The following TRPM7 variants were observed in gnomAD, a reference collection of about 807,000 sequenced individuals.
The protein encoded by TRPM7 is LTRPC ion channel family member 7.
A neutral mutation model predicts 229.7 loss-of-function variants in TRPM7; 134 were observed. The ratio of observed to expected loss-of-function variants is 0.58; its 90% CI spans 0.51 to 0.67. The LOEUF (loss-of-function observed/expected upper bound fraction) is 0.67. Ranked by LOEUF, TRPM7 falls within the 30% of genes least tolerant of loss-of-function variation. The probability of loss-of-function intolerance (pLI) is 0.00; values close to 1 mark genes in which losing one functional copy is unlikely to be tolerated. For synonymous variants in TRPM7, 699 were observed against 715.2 expected, an observed-to-expected ratio of 0.98 and a Z score of 0.36; for missense variants, 1,901 against 2,210.0, an observed-to-expected ratio of 0.86 and a Z score of 2.80.
chr15:50,597,887 C>T (rs1002292819), intron 22 of TRPM7, among the ~76,000 whole-genome samples: 13 of 152,014 alleles, frequency 8.6e-5, no homozygotes, highest in African/African-American at 3.1e-4. Context: ...CCACTGCACT[C>T]CAGCCTGGGT....
intron 21 of TRPM7, among the ~76,000 whole-genome samples, chr15:50,603,710 C>A (rs912989981): frequency 6.6e-6 from 1 of 152,120 alleles, no homozygotes; most frequent in Non-Finnish European, 1.5e-5. Flanking sequence ...TCCAGTCTAT[C>A]ATTGATGGAC....
chr15:50,662,730 G>C (rs2061760984), intron 2 of TRPM7, among the ~76,000 whole-genome samples: 1 of 152,060 alleles, frequency 6.6e-6, no homozygotes, highest in Non-Finnish European at 1.5e-5. Flanking sequence ...TAGAGATGGA[G>C]GAACACTTCA....
chr15:50,612,597 T>C lies in TRPM7; in HGVS notation c.2003A>G (p.Gln668Arg). The change falls in exon 16 of 39, where the codon CAG becomes CGG. Residue 668 changes from glutamine to arginine, a missense_variant. Gln to Arg is a conservative substitution (Grantham distance 43). Coordinates refer to ENST00000646667, the MANE Select transcript of TRPM7 (RefSeq NM_017672.6). The part of the protein sequence containing the change: ...IYRSMAYEAK[Q>R]SDLVDDTSEE... Reference sequence around the variant, plus strand: ...TGAAGTATCATCTACCAGGTCACTCTGCTTTGCTTCATATGCCATTGAACG... The same window carrying C: ...TGAAGTATCATCTACCAGGTCACTCCGCTTTGCTTCATATGCCATTGAACG... 6.2e-7 allele frequency: 1 copy of C among 1,614,112 alleles called. No homozygotes were observed. The highest frequency in any genetic ancestry group is 8.5e-7 in the Non-Finnish European group (1 of 1,179,978).
At position 50,569,902 on chromosome 15, in the gene TRPM7, T is replaced by G. The variant is rs1566935701; in HGVS notation, c.5452A>C (p.Lys1818Gln). Residue 1818 changes from lysine to glutamine, a missense_variant, in exon 38 of 39, where the codon AAG (lysine) becomes CAG (glutamine). Lys to Gln is a moderately conservative substitution (Grantham distance 53, BLOSUM62 1). Transcript: ENST00000646667. Reference protein sequence around the residue: ...AKHHCNSCCRKLKLPDLKRND... With the variant: ...AKHHCNSCCRQLKLPDLKRND... ...AATTTTTTACCTGGAAGTTTAAGCTTTCTACAGCAAGAATTACAGTGATGT... is the reference window on the plus strand; with the variant it reads ...AATTTTTTACCTGGAAGTTTAAGCTGTCTACAGCAAGAATTACAGTGATGT... The G allele has an allele frequency of 6.2e-7, 1 of 1,603,470 alleles. No homozygotes were observed. Among genetic ancestry groups the G allele is most frequent in the Non-Finnish European group, 8.5e-7 (1 of 1,176,712 alleles).
In TRPM7 at chr15:50,557,410, T is replaced by C. The variant is rs1427841948; in HGVS notation, c.*4268A>G. ...CTGTGAAGCATATAATCTAGTGGGGTAGACTGCTAGCTACTAACTATGAAA... is the reference window on the plus strand; with the variant it reads ...CTGTGAAGCATATAATCTAGTGGGGCAGACTGCTAGCTACTAACTATGAAA... On this transcript the variant is annotated 3_prime_UTR_variant, in exon 39 of 39. Transcript: ENST00000646667. 1 of 152,134 alleles carries C rather than the reference T, an allele frequency of 6.6e-6. No homozygotes were observed. The highest frequency in any genetic ancestry group is 6.6e-5 in the Admixed American group (1 of 15,262). 9.4% of individuals were successfully genotyped at this position (152,134 alleles called of 1,614,324 possible). A position where few individuals can be genotyped will look rare whatever the true frequency, so the allele number is the denominator to read the frequency against.
At chr15:50,643,588 A>ACATG (rs1387093842) in intron 4 of TRPM7, 35 bp from the exon 5 acceptor site, 2 of 1,563,736 alleles carry the variant, frequency 1.3e-6, no homozygotes, top group African/African-American at 2.7e-5. Flanking sequence ...AAATAATTGA[A>ACATG]CATGTTCACA....
chr15:50,623,718 A>C (rs2060482492), intron 12 of TRPM7, among the ~76,000 whole-genome samples: 1 of 152,046 alleles, frequency 6.6e-6, no homozygotes, highest in Non-Finnish European at 1.5e-5. Context: ...AGTTTTCAGG[A>C]GTCCTTTACA....
chr15:50,615,638 T>C (rs2060202966), intron 13 of TRPM7, among the ~76,000 whole-genome samples: 1 of 152,174 alleles, frequency 6.6e-6, no homozygotes, highest in Admixed American at 6.6e-5. Context: ...TTAATGTCTG[T>C]ATTTTTACTA....
chr15:50,591,486 ATT>A (rs200361880), intron 26 of TRPM7, among the ~76,000 whole-genome samples: 4 of 143,622 alleles, frequency 2.8e-5, no homozygotes, highest in Admixed American at 6.9e-5. Flanking sequence ...CCTACTTCTG[ATT>A]TTTTTTTTTT....
intron 13 of TRPM7, 96 bp downstream of exon 13, chr15:50,619,649 T>G: frequency 1.8e-6 from 2 of 1,095,366 alleles, no homozygotes; most frequent in South Asian, 3.3e-5. Flanking sequence ...TATTGGTATT[T>G]CTAAAATGTA....
At chr15:50,598,550 G>C (rs539832877) in intron 22 of TRPM7, among the ~76,000 whole-genome samples, 5 of 152,136 alleles carry the variant, frequency 3.3e-5, no homozygotes, top group African/African-American at 1.2e-4. Flanking sequence ...TCTCAATATC[G>C]AATCTACCTG....
chr15:50,627,205 T>G (rs2060587758), intron 11 of TRPM7, among the ~76,000 whole-genome samples: 1 of 152,118 alleles, frequency 6.6e-6, no homozygotes, highest in Non-Finnish European at 1.5e-5. Context: ...CCTCAGAAAG[T>G]TTACTTTCTA....
At position 50,609,732 on chromosome 15, in the gene TRPM7, TAA is replaced by T. The variant is rs35281039; in HGVS notation, c.2437-10_2437-9del. ...TACTTCTTTAAACACTTCCTAAAAT[TAA>T]AAAAAAAAAAATTCTTTTGTACAAT... On this transcript the variant is annotated splice_polypyrimidine_tract_variant and intron_variant, in intron 18 of 38. Coordinates refer to ENST00000646667, the MANE Select transcript of TRPM7 (RefSeq NM_017672.6). The T allele has an allele frequency of 9.6e-3, 12,719 of 1,319,198 alleles. 7 individuals carry two copies. The highest frequency in any genetic ancestry group is 0.019 in the African/African-American group (1,238 of 66,192). The allele number at this position is 1,319,198 out of a possible 1,614,324, so 81.7% of individuals were successfully genotyped here.
At chr15:50,561,868 T>A in intron 38 of TRPM7, 60 bp from the exon 39 acceptor site, 2 of 1,436,854 alleles carry the variant, frequency 1.4e-6, no homozygotes, top group Non-Finnish European at 1.9e-6. Context: ...AAAAAGTTAG[T>A]ATTTCTTAGA....
chr15:50,589,506 G>A (rs915647632), intron 27 of TRPM7, 86 bp downstream of exon 27: 1 of 965,882 alleles, frequency 1.0e-6, no homozygotes, highest in Non-Finnish European at 1.6e-6. Context: ...TATTTTTGCT[G>A]AAAAAATGTT....
chr15:50,654,857 C>CG (rs1037605367), intron 3 of TRPM7, among the ~76,000 whole-genome samples: 1 of 149,240 alleles, frequency 6.7e-6, no homozygotes, highest in Non-Finnish European at 1.5e-5. Context: ...AAAAACTACC[C>CG]GGGTGTGGCA....
intron 1 of TRPM7, among the ~76,000 whole-genome samples, chr15:50,669,432 C>G (rs1278661346): frequency 6.6e-6 from 1 of 151,548 alleles, no homozygotes; most frequent in Non-Finnish European, 1.5e-5. Context: ...GAGACTCTGT[C>G]TCAAAAAGAA....
intron 26 of TRPM7, 54 bp from the exon 27 acceptor site, chr15:50,589,710 A>T: frequency 8.3e-7 from 1 of 1,204,758 alleles, no homozygotes; most frequent in Non-Finnish European, 1.2e-6. Flanking sequence ...TCTTCACCGA[A>T]ATAATGGCAC....
At position 50,580,743 on chromosome 15, in the gene TRPM7, GA is replaced by G. The variant is rs145170809; in HGVS notation, c.4592+130del. The G allele has an allele frequency of 2.0e-3, 1,446 of 718,920 alleles. 21 individuals carry two copies. In the African/African-American group the frequency reaches 0.021, roughly 10 times the overall value. The allele number at this position is 718,920 out of a possible 1,614,324, so 44.5% of individuals were successfully genotyped here. On this transcript the variant is annotated intron_variant, in intron 30 of 38. Transcript: ENST00000646667. ...TCCCCTAATCTCATCTATGTGAAGA[GA>G]GGAGATGCTAGAATAAATAATCATC...
Sources: allele counts gnomAD v4.1 joint callset (sites outside exome capture counted in the v4.1 genomes callset), GRCh38; gene constraint gnomAD v4.1.1; transcripts MANE v1.5; gene names NCBI Gene and HGNC (gene_info 2026-07-23, HGNC 2026-07-21).